The following TAS2R1 variants were observed in gnomAD, a reference collection of about 807,000 sequenced individuals.
The protein encoded by TAS2R1 is taste receptor type 2 member 1.
For synonymous variants in TAS2R1, 141 were observed against 134.2 expected (o/e 1.05, Z -0.35); for missense variants, 370 against 353.4 (o/e 1.05, Z -0.38).
At chr5:9,768,208 C>T in the TAS2R1 span, among the ~76,000 whole-genome samples, 12 of 152,334 alleles carry the variant, frequency 7.9e-5, no homozygotes, top group South Asian at 6.2e-4. Context: ...GAAGTCTGCA[C>T]ATGGCTGGCA....
chr5:9,726,130 A>G, the TAS2R1 span, among the ~76,000 whole-genome samples: 5 of 151,532 alleles, frequency 3.3e-5, no homozygotes, highest in Admixed American at 1.3e-4. Flanking sequence ...AAATACACCA[A>G]TTGGCACTCT....
At chr5:9,800,122 T>C in the TAS2R1 span, among the ~76,000 whole-genome samples, 4 of 152,176 alleles carry the variant, frequency 2.6e-5, no homozygotes, top group Non-Finnish European at 4.4e-5. Flanking sequence ...AGAGGGACAA[T>C]TGGCAATGGC....
chr5:9,688,306 G>C lies in TAS2R1; in HGVS notation c.-242+23866C>G, dbSNP rs28737. ...TTTTAGAAATATAAATATCCTCAGC[G>C]CTCCCCCCCTCAATATTTTATTGGT... On this transcript the variant is annotated intron_variant, in intron 1 of 2. Transcript: ENST00000506620. Among the ~76,000 whole-genome samples the C allele has an allele frequency of 7.9e-5, 12 of 151,676 alleles. No individual in the cohort carries two copies. In the East Asian group the frequency reaches 2.1e-3, roughly 27 times the overall value.
At chr5:9,747,157 GA>G in the TAS2R1 span, among the ~76,000 whole-genome samples, 1 of 152,248 alleles carries the variant, frequency 6.6e-6, no homozygotes, top group African/African-American at 2.4e-5. Flanking sequence ...ATGCTGCTGG[GA>G]AATGAAACAA....
chr5:9,849,391 G>GA, the TAS2R1 span, among the ~76,000 whole-genome samples: 8 of 152,196 alleles, frequency 5.3e-5, no homozygotes, highest in East Asian at 1.5e-3. Flanking sequence ...GGAAATACAT[G>GA]AACTCACTTA....
intron 1 of TAS2R1, among the ~76,000 whole-genome samples, chr5:9,706,713 A>G (rs1349587399): frequency 6.6e-6 from 1 of 152,094 alleles, no homozygotes; most frequent in Non-Finnish European, 1.5e-5. Context: ...AGCTCAGAGG[A>G]TATTTGAGTG....
chr5:9,884,455 C>T, the TAS2R1 span, among the ~76,000 whole-genome samples: 1 of 126,088 alleles, frequency 7.9e-6, no homozygotes, highest in Non-Finnish European at 1.6e-5. Context: ...GCCTGGGCAA[C>T]AGAGTGAGAC....
intron 1 of TAS2R1, among the ~76,000 whole-genome samples, chr5:9,707,974 G>A (rs1741652050): frequency 1.3e-5 from 2 of 152,138 alleles, no homozygotes; most frequent in South Asian, 4.2e-4. Flanking sequence ...GCTGACTCAT[G>A]GGTCTCAGTG....
chr5:9,771,122 A>T, the TAS2R1 span, among the ~76,000 whole-genome samples: 1 of 152,144 alleles, frequency 6.6e-6, no homozygotes. Flanking sequence ...TTAATTTTAT[A>T]AACTGTTTTT....
the TAS2R1 span, among the ~76,000 whole-genome samples, chr5:9,732,952 G>A: frequency 6.6e-6 from 1 of 152,120 alleles, no homozygotes; most frequent in Non-Finnish European, 1.5e-5. Flanking sequence ...TTCTCTTAAA[G>A]CTTTCAACTG....
chr5:9,864,735 C>T, the TAS2R1 span, among the ~76,000 whole-genome samples: 1 of 151,748 alleles, frequency 6.6e-6, no homozygotes, highest in African/African-American at 2.4e-5. Context: ...AAAAATTAAA[C>T]CCATTAATGG....
chr5:9,792,448 C>T, the TAS2R1 span, among the ~76,000 whole-genome samples: 1 of 152,142 alleles, frequency 6.6e-6, no homozygotes, highest in Admixed American at 6.5e-5. Context: ...CGTGTTATAA[C>T]TTTGAAATGT....
the TAS2R1 span, among the ~76,000 whole-genome samples, chr5:9,764,455 C>A: frequency 6.6e-6 from 1 of 152,154 alleles, no homozygotes; most frequent in Non-Finnish European, 1.5e-5. Flanking sequence ...TTATTAAATA[C>A]CTATAGAAAC....
the TAS2R1 span, among the ~76,000 whole-genome samples, chr5:9,776,874 G>C: frequency 6.6e-6 from 1 of 152,152 alleles, no homozygotes; most frequent in African/African-American, 2.4e-5. Context: ...AATAAAGTGA[G>C]TCATATGAAT....
chr5:9,700,802 G>A (rs76781499), intron 1 of TAS2R1, among the ~76,000 whole-genome samples: 3,975 of 152,126 alleles, frequency 0.026, 139 homozygotes, highest in African/African-American at 0.09. Flanking sequence ...TTCTGTGCAT[G>A]TCTCTGTCCT....
intron 1 of TAS2R1, among the ~76,000 whole-genome samples, chr5:9,702,117 T>C (rs75402095): frequency 0.014 from 2,078 of 152,338 alleles, 52 homozygotes; most frequent in African/African-American, 0.047. Context: ...TCTATTCTTC[T>C]TGTTTCCCTT....
At chr5:9,694,106 AC>A (rs1741310502) in intron 1 of TAS2R1, among the ~76,000 whole-genome samples, 1 of 152,174 alleles carries the variant, frequency 6.6e-6, no homozygotes, top group African/African-American at 2.4e-5. Flanking sequence ...TAATTCACAA[AC>A]GAAGGTTTGT....
intron 2 of TAS2R1, among the ~76,000 whole-genome samples, chr5:9,636,481 A>AT (rs752951322): frequency 1.3e-5 from 2 of 152,008 alleles, no homozygotes; most frequent in Admixed American, 1.3e-4. Flanking sequence ...GTTTAAGTCC[A>AT]TTTTTTCTTT....
chr5:9,886,933 C>T, the TAS2R1 span, among the ~76,000 whole-genome samples: 2 of 152,230 alleles, frequency 1.3e-5, no homozygotes, highest in East Asian at 1.9e-4. Context: ...AAGGTAATGG[C>T]GATGGCCCTT....
Sources: gnomAD v4.1 joint callset for allele counts (sites outside exome capture counted in the v4.1 genomes callset) on GRCh38, gnomAD v4.1.1 for gene constraint, MANE v1.5 for transcripts, NCBI Gene and HGNC (gene_info 2026-07-23, HGNC 2026-07-21) for gene names.